The following CELF4 variants were observed in gnomAD, a reference collection of about 807,000 sequenced individuals.
CELF4 encodes CUGBP Elav-like family member 4, also known as CUG-BP- and ETR-3-like factor 4.
In CELF4, 18 loss-of-function variants were observed where a neutral mutation model predicts 59.9. That is an observed-to-expected ratio of 0.30 (90% CI 0.21 to 0.45). The LOEUF is 0.45. Ranked by LOEUF, CELF4 falls within the 20% of genes least tolerant of loss-of-function variation. The probability of loss-of-function intolerance (pLI) is 1.00; values close to 1 mark genes in which losing one functional copy is unlikely to be tolerated. For missense variants in CELF4, 456 were observed against 689.0 expected, an observed-to-expected ratio of 0.66 and a Z score of 3.79; for synonymous variants, 261 against 267.1, an observed-to-expected ratio of 0.98 and a Z score of 0.22.
intron 1 of CELF4, among the ~76,000 whole-genome samples, chr18:37,547,160 G>GGTGTGTGTGTGTGTGT (rs59169669): frequency 0.034 from 4,916 of 144,138 alleles, 133 homozygotes; most frequent in Admixed American, 0.091. Context: ...GTGTGTGTGT[G>GGTGTGTGTGTGTGTGT]GTGTGTGTGT....
chr18:37,260,169 C>A (rs1425044077), intron 10 of CELF4, among the ~76,000 whole-genome samples: 1 of 152,212 alleles, frequency 6.6e-6, no homozygotes, highest in African/African-American at 2.4e-5. Flanking sequence ...GGAGCCAGGA[C>A]ATGAGCCTAG....
chr18:37,456,526 G>A (rs2099778867), intron 2 of CELF4, among the ~76,000 whole-genome samples: 1 of 152,132 alleles, frequency 6.6e-6, no homozygotes, highest in Non-Finnish European at 1.5e-5. Context: ...AAGGGCTCAG[G>A]GCCACTCAGA....
intron 2 of CELF4, among the ~76,000 whole-genome samples, chr18:37,339,407 G>C (rs1390975581): frequency 6.6e-6 from 1 of 152,204 alleles, no homozygotes; most frequent in Non-Finnish European, 1.5e-5. Flanking sequence ...TGGATAGGTG[G>C]ATGCATTTGT....
intron 10 of CELF4, among the ~76,000 whole-genome samples, chr18:37,262,751 C>A (rs1345974688): frequency 2.0e-5 from 3 of 152,168 alleles, no homozygotes; most frequent in East Asian, 1.9e-4. Flanking sequence ...CTGGACCCCA[C>A]CCCTTGTGGC....
At chr18:37,249,613 C>G (rs932774560) in intron 12 of CELF4, among the ~76,000 whole-genome samples, 4 of 152,168 alleles carry the variant, frequency 2.6e-5, no homozygotes, top group African/African-American at 9.7e-5. Context: ...CCCCAAGACT[C>G]CACGGGCTCA....
chr18:37,538,284 T>A (rs556471431), intron 1 of CELF4, among the ~76,000 whole-genome samples: 5 of 152,348 alleles, frequency 3.3e-5, no homozygotes, highest in African/African-American at 1.2e-4. Context: ...CTGGCTCGAT[T>A]CTTCACTGGC....
chr18:37,522,421 A>C (rs936486276), intron 1 of CELF4, among the ~76,000 whole-genome samples: 2 of 152,112 alleles, frequency 1.3e-5, no homozygotes, highest in Non-Finnish European at 2.9e-5. Flanking sequence ...AGAGGGACTG[A>C]AATTAGGACT....
chr18:37,379,828 A>G (rs1298951619), intron 2 of CELF4, among the ~76,000 whole-genome samples: 1 of 152,078 alleles, frequency 6.6e-6, no homozygotes, highest in Non-Finnish European at 1.5e-5. Context: ...CCAGCTCCCC[A>G]TTTTGTGTGC....
chr18:37,483,526 C>G (rs1246068882), intron 2 of CELF4, among the ~76,000 whole-genome samples: 6 of 152,226 alleles, frequency 3.9e-5, no homozygotes, highest in Admixed American at 3.9e-4. Flanking sequence ...CCCGTCCCAA[C>G]ATACACTCAC....
chr18:37,252,931 T>C (rs2066458107), intron 12 of CELF4, among the ~76,000 whole-genome samples: 1 of 151,906 alleles, frequency 6.6e-6, no homozygotes, highest in South Asian at 2.1e-4. Flanking sequence ...ACCTCTGCTC[T>C]GTGAAGAAGC....
intron 2 of CELF4, among the ~76,000 whole-genome samples, chr18:37,409,842 C>A (rs998848927): frequency 6.6e-6 from 1 of 152,324 alleles, no homozygotes. Flanking sequence ...CCAGGCCCAA[C>A]CACCTGCCAT....
chr18:37,426,606 G>A (rs2099614285), intron 2 of CELF4, among the ~76,000 whole-genome samples: 1 of 152,178 alleles, frequency 6.6e-6, no homozygotes, highest in South Asian at 2.1e-4. Flanking sequence ...GCGCAGGCGG[G>A]GCTGATCGCT....
intron 3 of CELF4, among the ~76,000 whole-genome samples, chr18:37,309,653 C>T (rs1034551214): frequency 4.6e-5 from 7 of 152,012 alleles, no homozygotes; most frequent in African/African-American, 7.2e-5. Flanking sequence ...TGAGAAGAGA[C>T]GACGTCCCCC....
chr18:37,387,229 GC>G (rs949095981), intron 2 of CELF4, among the ~76,000 whole-genome samples: 2 of 152,230 alleles, frequency 1.3e-5, no homozygotes, highest in Non-Finnish European at 2.9e-5. Context: ...GGCAACCAGG[GC>G]CATCCCGAGT....
rs1205221999 is a variant in CELF4 at position 37,245,489 on chromosome 18, G to A, written c.*45-292C>T. On this transcript the variant is annotated intron_variant, in intron 12 of 12. Coordinates refer to ENST00000420428, the MANE Select transcript of CELF4 (RefSeq NM_020180.4). The surrounding 1 kb of genome is among the most constrained non-coding windows in gnomAD (Gnocchi z 4.1). ...GTTACTTTAGCATTCTGGATTGGGGGTAGCTACATCTAAGGGGAGAATTTG... is the reference window on the plus strand; with the variant it reads ...GTTACTTTAGCATTCTGGATTGGGGATAGCTACATCTAAGGGGAGAATTTG... Among the ~76,000 whole-genome samples the A allele has an allele frequency of 6.6e-6, 1 of 152,110 alleles. No individual in the cohort carries two copies. Among genetic ancestry groups the A allele is most frequent in the Non-Finnish European group, 1.5e-5 (1 of 68,038 alleles).
chr18:37,282,864 A>C (rs1486300288), intron 3 of CELF4, among the ~76,000 whole-genome samples: 1 of 152,094 alleles, frequency 6.6e-6, no homozygotes, highest in African/African-American at 2.4e-5. Flanking sequence ...GGAGAGCTAC[A>C]CACTCCCCTT....
At chr18:37,499,587 A>G (rs1248044170) in intron 1 of CELF4, among the ~76,000 whole-genome samples, 1 of 152,182 alleles carries the variant, frequency 6.6e-6, no homozygotes, top group Admixed American at 6.5e-5. Context: ...TTGACTTCTC[A>G]AGCGGACCCT....
intron 2 of CELF4, among the ~76,000 whole-genome samples, chr18:37,368,440 G>T (rs1236464983): frequency 1.3e-5 from 2 of 152,188 alleles, no homozygotes; most frequent in East Asian, 3.9e-4. Flanking sequence ...TCCCCAGGGA[G>T]GGGTAGGGAG....
intron 2 of CELF4, among the ~76,000 whole-genome samples, chr18:37,354,701 G>A (rs57191406): frequency 0.19 from 29,122 of 152,138 alleles, 3,044 homozygotes; most frequent in East Asian, 0.32. Flanking sequence ...ACTCTGGGGT[G>A]AGCAGAGGCC....
Sources: allele counts gnomAD v4.1 joint callset (sites outside exome capture counted in the v4.1 genomes callset), GRCh38; gene constraint gnomAD v4.1.1; non-coding constraint Gnocchi (gnomAD v3.1); transcripts MANE v1.5; gene names NCBI Gene and HGNC (gene_info 2026-07-23, HGNC 2026-07-21).